The following ITGB7 variants were observed in gnomAD, a reference collection of about 807,000 sequenced individuals.
ITGB7 encodes the protein integrin beta-7.
In ITGB7, 55 loss-of-function variants were observed where a neutral mutation model predicts 83.4. That is an observed-to-expected ratio of 0.66 (90% confidence interval 0.53 to 0.83). The LOEUF (loss-of-function observed/expected upper bound fraction) is 0.83. ITGB7 is among the 40% of genes least tolerant of loss of function. ITGB7 has a pLI of 0.00. For missense variants in ITGB7, 921 were observed against 1,046.7 expected, an observed-to-expected ratio of 0.88 and a Z score of 1.66; for synonymous variants, 454 against 423.6, an observed-to-expected ratio of 1.07 and a Z score of -0.88.
At chr12:53,192,196 G>T in intron 14 of ITGB7, 134 bp downstream of exon 14, 1 of 1,206,836 alleles carries the variant, frequency 8.3e-7, no homozygotes, top group Non-Finnish European at 1.2e-6. Flanking sequence ...TTGCTCAATT[G>T]CCTCTGCCTT....
Position 53,191,998 on chromosome 12 carries a change from G to T in ITGB7, c.2177C>A (p.Ala726Asp). The change falls in exon 15 of 16, where the codon GCC (alanine) becomes GAC (aspartate). Residue 726 changes from alanine to aspartate, a missense_variant. Coordinates refer to ENST00000267082, the MANE Select transcript of ITGB7 (RefSeq NM_000889.3). ...PQEKGADHTQ[A>D]IVLGCVGGIV... ...GCCCCCTACGCAGCCCAGCACAATGGCCTGCGTGTGGTCTGCTCCCTCTGT... is the reference window on the plus strand; with the variant it reads ...GCCCCCTACGCAGCCCAGCACAATGTCCTGCGTGTGGTCTGCTCCCTCTGT... 1 of 1,612,942 alleles carries T rather than the reference G, an allele frequency of 6.2e-7. No homozygotes were observed. Among genetic ancestry groups the T allele is most frequent in the Non-Finnish European group, 8.5e-7 (1 of 1,179,886 alleles).
Position 53,195,650 on chromosome 12 carries a change from G to T in ITGB7, c.1047C>A (p.Thr349=), listed in dbSNP as rs1181198124. The change falls in exon 8 of 16, where the codon ACC becomes ACA. Residue 349 remains threonine (T), a synonymous_variant. Coordinates refer to ENST00000267082, the MANE Select transcript of ITGB7 (RefSeq NM_000889.3). ...CCTGGTAGACAGGCAGTGCGGCACTGGTGACAGCAAAGATGGGCTGGATAT... is the reference window on the plus strand; with the variant it reads ...CCTGGTAGACAGGCAGTGCGGCACTTGTGACAGCAAAGATGGGCTGGATAT... ...AANIQPIFAV[T]SAALPVYQEL... The T allele has an allele frequency of 3.1e-6, 5 of 1,614,046 alleles. No homozygotes were observed. The South Asian group carries it at 5.5e-5, about 18-fold the overall frequency.
At chr12:53,205,141 T>C (rs1942410597) in intron 1 of ITGB7, among the ~76,000 whole-genome samples, 2 of 151,988 alleles carry the variant, frequency 1.3e-5, no homozygotes, top group Admixed American at 1.3e-4. Flanking sequence ...TGTTTCTAGT[T>C]CCCTATGACA....
intron 1 of ITGB7, among the ~76,000 whole-genome samples, chr12:53,205,943 C>G (rs1942434039): frequency 6.6e-6 from 1 of 152,186 alleles, no homozygotes; most frequent in African/African-American, 2.4e-5. Context: ...CCTGCTTGCT[C>G]TGCATGCCTG....
intron 1 of ITGB7, among the ~76,000 whole-genome samples, chr12:53,202,276 A>G (rs1342638039): frequency 6.6e-6 from 1 of 152,072 alleles, no homozygotes; most frequent in Non-Finnish European, 1.5e-5. Flanking sequence ...GGAGAATCAC[A>G]TGATCCCAGG....
intron 3 of ITGB7, 64 bp from the exon 4 acceptor site, chr12:53,198,015 A>G: frequency 7.2e-7 from 1 of 1,388,610 alleles, no homozygotes; most frequent in South Asian, 1.3e-5. Context: ...CCGCTCCCAA[A>G]AACACCCTGC....
Position 53,196,112 on chromosome 12 carries a change from C to T in ITGB7, c.904G>A (p.Gly302Ser), listed in dbSNP as rs1433177201. The change falls in exon 7 of 16, where the codon GGC becomes AGC. Residue 302 changes from glycine (G) to serine (S), a missense_variant. By Grantham distance (56) the Gly-to-Ser change is moderately conservative. Coordinates refer to ENST00000267082, the MANE Select transcript of ITGB7 (RefSeq NM_000889.3). ...FHTAGDGKLG[G>S]IFMPSDGHCH... ...TGCCCATCACTGGGCATGAAAATGC[C>T]GCCCAACTTCCCGTCCCCAGCTGTA... The T allele has an allele frequency of 3.7e-6, 6 of 1,614,070 alleles. No individual in the cohort carries two copies. Among genetic ancestry groups the T allele is most frequent in the East Asian group, 2.2e-5 (1 of 44,900 alleles).
chr12:53,206,286 C>G (rs1359524186), intron 1 of ITGB7, among the ~76,000 whole-genome samples: 1 of 152,132 alleles, frequency 6.6e-6, no homozygotes, highest in Non-Finnish European at 1.5e-5. Context: ...TTCCTTTTCC[C>G]CTCTGTTCCT....
rs779310589 is a variant in ITGB7, at chr12:53,191,570, T to C, written c.2383A>G (p.Ser795Gly). Reference sequence around the variant, plus strand: ...CCCTCCCTCCTTCAGAGAGTGGGACTGTCTGCCTCTTGAAAGCGAGGATTG... The same window carrying C: ...CCCTCCCTCCTTCAGAGAGTGGGACCGTCTGCCTCTTGAAAGCGAGGATTG... ...TINPRFQEAD[S>G]PTL is the part of the protein sequence containing the mutation. Residue 795 changes from serine to glycine, a missense_variant, in exon 16 of 16, where the codon AGT becomes GGT. By Grantham distance (56) the Ser-to-Gly change is moderately conservative. Transcript: ENST00000267082. 1 of 1,612,482 alleles carries C rather than the reference T, an allele frequency of 6.2e-7. No homozygotes were observed. The highest frequency in any genetic ancestry group is 8.5e-7 in the Non-Finnish European group (1 of 1,178,456).
chr12:53,197,854 C>CG lies in ITGB7; in HGVS notation c.298dup (p.Arg100ProfsTer49), dbSNP rs773521249. On this transcript the variant is annotated frameshift_variant, in exon 4 of 16. Coordinates refer to ENST00000267082, the MANE Select transcript of ITGB7 (RefSeq NM_000889.3). LOFTEE classifies it high-confidence loss of function. The stretch of plus-strand genomic sequence containing the variant: ...GTCCTGCAGCACCTCCTGCTGGCCG[C>CG]GGGGCTCCTCCAGCTCCTCCAGCGG... The CG allele has an allele frequency of 6.5e-7, 1 of 1,531,838 alleles. No homozygotes were observed. Among genetic ancestry groups the CG allele is most frequent in the African/African-American group, 1.4e-5 (1 of 72,676 alleles). 94.9% of individuals were successfully genotyped at this position (1,531,838 alleles called of 1,614,324 possible). A position where few individuals can be genotyped will look rare whatever the true frequency, so the allele number is the denominator to read the frequency against.
At position 53,191,969 on chromosome 12, in the gene ITGB7, C is replaced by T. The variant is rs926770238; in HGVS notation, c.2206G>A (p.Val736Met). The T allele has an allele frequency of 9.3e-6, 15 of 1,612,284 alleles. No homozygotes were observed. Among genetic ancestry groups the T allele is most frequent in the African/African-American group, 2.7e-5 (2 of 74,872 alleles). ...AIVLGCVGGI[V>M]AVGLGLVLAY... ...AGGACCAGCCCCAGCCCCACTGCCA[C>T]GATGCCCCCTACGCAGCCCAGCACA... The change falls in exon 15 of 16, where the codon GTG becomes ATG. Residue 736 changes from valine (V) to methionine (M), a missense_variant. By Grantham distance (21) the Val-to-Met change is conservative. Coordinates refer to ENST00000267082, the MANE Select transcript of ITGB7 (RefSeq NM_000889.3).
At chr12:53,193,007 T>C in intron 12 of ITGB7, 97 bp from the exon 13 acceptor site, 1 of 1,386,382 alleles carries the variant, frequency 7.2e-7, no homozygotes, top group Non-Finnish European at 1.0e-6. Flanking sequence ...CTTTTTGAAG[T>C]ATGCCAACCA....
At position 53,192,525 on chromosome 12, in the gene ITGB7, ACT is replaced by A. The variant is rs1170099631; in HGVS notation, c.1958_1959del (p.Glu653ValfsTer32). On this transcript the variant is annotated frameshift_variant, in exon 14 of 16. Coordinates refer to ENST00000267082, the MANE Select transcript of ITGB7 (RefSeq NM_000889.3). LOFTEE classifies it high-confidence loss of function. ...AGTGGGCCAGTCCTGAAGGCCCCAC[ACT>A]CTGCACAGTCCCTGTGTAGTAGATG... Reference protein sequence around the residue: ...TPCERHRDCAECGAFRTGPLA... With the variant: ...TPCERHRDCAXCGAFRTGPLA... 1.2e-6 allele frequency: 2 copies of A among 1,613,982 alleles called. No individual in the cohort carries two copies. Among genetic ancestry groups the A allele is most frequent in the South Asian group, 1.1e-5 (1 of 91,088 alleles).
In ITGB7 at chr12:53,196,609, G is replaced by C; in HGVS notation, c.786C>G (p.Phe262Leu). The C allele has an allele frequency of 6.2e-7, 1 of 1,613,418 alleles. No homozygotes were observed. The highest frequency in any genetic ancestry group is 8.5e-7 in the Non-Finnish European group (1 of 1,179,528). Residue 262 changes from phenylalanine to leucine, a missense_variant, in exon 6 of 16, where the codon TTC (phenylalanine) becomes TTG (leucine). Phe to Leu is a conservative substitution (Grantham distance 22). Coordinates refer to ENST00000267082, the MANE Select transcript of ITGB7 (RefSeq NM_000889.3). Reference protein sequence around the residue: ...SGNLDSPEGGFDAILQAALCQ... With the variant: ...SGNLDSPEGGLDAILQAALCQ... ...AGAGTGCAGCCTGCAGAATGGCATC[G>C]AAGCCACCTTCAGGCGAGTCCAGAT... is the stretch of plus-strand genomic sequence containing the variant.
In ITGB7 at chr12:53,193,872, G is replaced by A; in HGVS notation, c.1338C>T (p.Thr446=). The change falls in exon 11 of 16, where the codon ACC becomes ACT. Residue 446 remains threonine (T), a synonymous_variant. Transcript: ENST00000267082. ...TVTFWVSLQA[T]HCLPEPHLLR... is the part of the protein sequence containing the mutation. Reference sequence around the variant, plus strand: ...GGAGATGGGGCTCTGGGAGGCAGTGGGTGGCTTGGAGAGAAACCCAGAAAG... The same window carrying A: ...GGAGATGGGGCTCTGGGAGGCAGTGAGTGGCTTGGAGAGAAACCCAGAAAG... 2 of 1,613,656 alleles carry A rather than the reference G, an allele frequency of 1.2e-6. No individual in the cohort carries two copies. Among genetic ancestry groups the A allele is most frequent in the African/African-American group, 1.3e-5 (1 of 74,956 alleles).
At position 53,194,177 on chromosome 12, in the gene ITGB7, CCTGTGCTTGCTGG is replaced by C; in HGVS notation, c.1308+8_1308+20del. 6.2e-7 allele frequency: 1 copy of C among 1,613,866 alleles called. No individual in the cohort carries two copies. The highest frequency in any genetic ancestry group is 8.5e-7 in the Non-Finnish European group (1 of 1,179,856). On this transcript the variant is annotated splice_region_variant and intron_variant, in intron 10 of 15. Transcript: ENST00000267082. Reference sequence around the variant, plus strand: ...CCCACCTCCCCCTGCCCGCCTTCTGCCTGTGCTTGCTGGCTCTCACCGTCTGGTTGATTCGGAC... The same window carrying C: ...CCCACCTCCCCCTGCCCGCCTTCTGCCTCTCACCGTCTGGTTGATTCGGAC...
intron 10 of ITGB7, 56 bp downstream of exon 10, chr12:53,194,142 A>G: frequency 1.2e-6 from 2 of 1,608,984 alleles, no homozygotes; most frequent in East Asian, 2.2e-5. Flanking sequence ...TGCCTGCTTA[A>G]TTTCCCACTC....
Position 53,194,329 on chromosome 12 carries a change from C to G in ITGB7, c.1177G>C (p.Val393Leu), listed in dbSNP as rs139063110. The stretch of plus-strand genomic sequence containing the variant: ...GGGAGTGAAGAGTGTTCAAGGGTCA[C>G]GGTGGAAGACAGGCTCTATGGGAAG... ...MDAYNSLSSTVTLEHSSLPPG... is the reference protein window; with the variant it reads ...MDAYNSLSSTLTLEHSSLPPG... Residue 393 changes from valine to leucine, a missense_variant, in exon 10 of 16, where the codon GTG becomes CTG. By Grantham distance (32) the Val-to-Leu change is conservative. Coordinates refer to ENST00000267082, the MANE Select transcript of ITGB7 (RefSeq NM_000889.3). 995 of 1,613,890 alleles carry G rather than the reference C, an allele frequency of 6.2e-4. 8 individuals are homozygous for G. In the African/African-American group the frequency reaches 0.01, roughly 16 times the overall value.
chr12:53,197,904 T>C lies in ITGB7; in HGVS notation c.249A>G (p.Arg83=). 1 of 1,545,962 alleles carries C rather than the reference T, an allele frequency of 6.5e-7. No homozygotes were observed. Among genetic ancestry groups the C allele is most frequent in the East Asian group, 2.4e-5 (1 of 41,372 alleles). The stretch of plus-strand genomic sequence containing the variant: ...GGCAGCCTCGAGCCAGCAGCTCCTC[T>C]CGTCGGGCGCAGCGCCGCGCCTCCG... ...GEAEARRCAR[R]EELLARGCPL... Residue 83 remains arginine, a synonymous_variant, in exon 4 of 16, where the codon CGA becomes CGG. Coordinates refer to ENST00000267082, the MANE Select transcript of ITGB7 (RefSeq NM_000889.3).
Sources: gnomAD v4.1 joint callset for allele counts (sites outside exome capture counted in the v4.1 genomes callset) on GRCh38, gnomAD v4.1.1 for gene constraint, MANE v1.5 for transcripts, NCBI Gene and HGNC (gene_info 2026-07-23, HGNC 2026-07-21) for gene names.